The following CDH10 variants were observed in gnomAD, a reference collection of about 807,000 sequenced individuals.
CDH10 encodes cadherin-10.
A neutral mutation model predicts 73.1 loss-of-function variants in CDH10; 30 were observed. The observed-to-expected ratio is 0.41, with a 90% CI of 0.31 to 0.56. CDH10 has a LOEUF of 0.56. Ranked by LOEUF, CDH10 falls within the 20% of genes least tolerant of loss-of-function variation. The pLI is 0.27. For synonymous variants in CDH10, 345 were observed against 348.2 expected (o/e 0.99, Z 0.10); for missense variants, 815 against 973.7 (o/e 0.84, Z 2.17).
chr5:24,540,600 G>A (rs1744116897), intron 2 of CDH10, among the ~76,000 whole-genome samples: 1 of 151,932 alleles, frequency 6.6e-6, no homozygotes, highest in Non-Finnish European at 1.5e-5. Flanking sequence ...ATCAGAAAAT[G>A]AAAGGATTTC....
intron 7 of CDH10, among the ~76,000 whole-genome samples, chr5:24,509,278 C>T (rs1292420745): frequency 4.9e-5 from 5 of 102,226 alleles, no homozygotes; most frequent in South Asian, 3.6e-4. Flanking sequence ...TCATCTCTGT[C>T]GCTCAGGCTG....
rs573536560 is a variant in CDH10, at chr5:24,627,976, T to G, written c.-124+16618A>C. 5.3e-5 allele frequency among the ~76,000 whole-genome samples: 8 copies of G among 152,226 alleles called. No individual in the cohort carries two copies. The South Asian group carries it at 6.2e-4, about 12-fold the overall frequency. ...TTTTATTTTATAGTGAGGAAAACTT[T>G]GACTACTCTTATGGCATCGTGGTAA... On this transcript the variant is annotated intron_variant, in intron 1 of 11. Coordinates refer to ENST00000264463, the MANE Select transcript of CDH10 (RefSeq NM_006727.5).
At position 24,492,802 on chromosome 5, in the gene CDH10, A is replaced by C. The variant is rs763913794; in HGVS notation, c.1624+15T>G. 3.8e-6 allele frequency: 4 copies of C among 1,047,164 alleles called. No homozygotes were observed. The Admixed American group carries it at 6.8e-5, about 18-fold the overall frequency. 64.9% of individuals were successfully genotyped at this position (1,047,164 alleles called of 1,614,324 possible). Reference sequence around the variant, plus strand: ...ATATCATCATAAGTCATAGTGAACAAGTTCTAAAATTTACCTTCATTATCC... The same window carrying C: ...ATATCATCATAAGTCATAGTGAACACGTTCTAAAATTTACCTTCATTATCC... On this transcript the variant is annotated intron_variant, in intron 10 of 11. Transcript: ENST00000264463.
At chr5:24,522,070 G>A (rs183887101) in intron 5 of CDH10, among the ~76,000 whole-genome samples, 60 of 152,256 alleles carry the variant, frequency 3.9e-4, no homozygotes, top group Middle Eastern at 6.8e-3. Flanking sequence ...GGAGGCAGGA[G>A]TTTCAGTGAG....
At chr5:24,498,843 T>C (rs1742387326) in intron 8 of CDH10, among the ~76,000 whole-genome samples, 1 of 152,236 alleles carries the variant, frequency 6.6e-6, no homozygotes, top group Non-Finnish European at 1.5e-5. Context: ...TATTAAATCC[T>C]TGTTATACTT....
At chr5:24,636,361 C>T (rs1017826557) in intron 1 of CDH10, among the ~76,000 whole-genome samples, 1 of 151,944 alleles carries the variant, frequency 6.6e-6, no homozygotes, top group East Asian at 1.9e-4. Flanking sequence ...TGTGAGAGCA[C>T]TTACGTTAGG....
At chr5:24,550,052 C>T (rs1355352755) in intron 2 of CDH10, among the ~76,000 whole-genome samples, 2 of 151,992 alleles carry the variant, frequency 1.3e-5, no homozygotes, top group Non-Finnish European at 2.9e-5. Flanking sequence ...GATAAAATCA[C>T]TGAAGAGAAT....
rs543014462 is a variant in CDH10, at chr5:24,546,274, C to G, written c.232-8600G>C. ...TCCTCTGAAATATAGCCAAGCAACCCTAAATTAAAATAAAAATAAGATTCT... is the reference window on the plus strand; with the variant it reads ...TCCTCTGAAATATAGCCAAGCAACCGTAAATTAAAATAAAAATAAGATTCT... On this transcript the variant is annotated intron_variant, in intron 2 of 11. Transcript: ENST00000264463. 2.6e-5 allele frequency among the ~76,000 whole-genome samples: 4 copies of G among 151,926 alleles called. No homozygotes were observed. The East Asian group carries it at 7.7e-4, about 29-fold the overall frequency.
intron 2 of CDH10, among the ~76,000 whole-genome samples, chr5:24,566,912 G>A (rs943932381): frequency 6.6e-6 from 1 of 152,096 alleles, no homozygotes; most frequent in Middle Eastern, 3.4e-3. Flanking sequence ...CAGAGACTGG[G>A]GGTAAAATCA....
chr5:24,540,818 T>A lies in CDH10; in HGVS notation c.232-3144A>T, dbSNP rs540998090. ...GCAAAAAGGACTGTATTTGAGGGCA[T>A]GACATTAGCCTATGTTTAATGAAAG... On this transcript the variant is annotated intron_variant, in intron 2 of 11. Coordinates refer to ENST00000264463, the MANE Select transcript of CDH10 (RefSeq NM_006727.5). Among the ~76,000 whole-genome samples, 27 of 152,060 alleles carry A rather than the reference T, an allele frequency of 1.8e-4. No individual in the cohort carries two copies. In the South Asian group the frequency reaches 3.3e-3, roughly 19 times the overall value.
At chr5:24,496,932 T>G (rs912857815) in intron 9 of CDH10, among the ~76,000 whole-genome samples, 51 of 152,160 alleles carry the variant, frequency 3.4e-4, no homozygotes, top group African/African-American at 1.2e-3. Flanking sequence ...TATTAGAATT[T>G]GCCTGTATGG....
intron 2 of CDH10, among the ~76,000 whole-genome samples, chr5:24,587,044 T>C (rs1020121509): frequency 9.9e-5 from 15 of 150,878 alleles, no homozygotes; most frequent in South Asian, 2.1e-4. Flanking sequence ...CGGGGTTTCA[T>C]CGTGTTAGCC....
intron 2 of CDH10, among the ~76,000 whole-genome samples, chr5:24,550,178 G>T (rs1228186709): frequency 1.3e-5 from 2 of 152,130 alleles, no homozygotes; most frequent in African/African-American, 2.4e-5. Context: ...ATACATAGAA[G>T]AAAAGGGGGC....
chr5:24,605,542 G>A (rs1461860827), intron 1 of CDH10, among the ~76,000 whole-genome samples: 2 of 152,202 alleles, frequency 1.3e-5, no homozygotes, highest in East Asian at 1.9e-4. Context: ...TGTCTTCCAC[G>A]AAGTGGGTCG....
intron 2 of CDH10, among the ~76,000 whole-genome samples, chr5:24,549,727 T>G (rs1234697160): frequency 6.6e-6 from 1 of 151,894 alleles, no homozygotes; most frequent in Non-Finnish European, 1.5e-5. Flanking sequence ...AATTTTTGTG[T>G]TTTTAGTAGA....
chr5:24,501,935 T>A (rs113742571), intron 8 of CDH10, among the ~76,000 whole-genome samples: 4 of 152,194 alleles, frequency 2.6e-5, no homozygotes, highest in Middle Eastern at 3.4e-3. Flanking sequence ...CCTTTTTTTT[T>A]TTAGAGGGAA....
chr5:24,528,740 T>C (rs1270505429), intron 5 of CDH10, among the ~76,000 whole-genome samples: 2 of 151,982 alleles, frequency 1.3e-5, no homozygotes, highest in African/African-American at 4.8e-5. Flanking sequence ...CTATAATCTA[T>C]GTAAAAGTAG....
At chr5:24,520,136 G>A (rs751752358) in intron 5 of CDH10, among the ~76,000 whole-genome samples, 3 of 152,116 alleles carry the variant, frequency 2.0e-5, no homozygotes, top group Admixed American at 6.5e-5. Context: ...AAATTCTGCG[G>A]TACTGGAGGT....
chr5:24,498,328 G>A (rs2111681892), intron 9 of CDH10, 70 bp downstream of exon 9: 1 of 1,014,096 alleles, frequency 9.9e-7, no homozygotes, highest in South Asian at 1.5e-5. Flanking sequence ...TTTCCTCTCA[G>A]GATTTTGAAA....
Sources: allele counts gnomAD v4.1 joint callset (sites outside exome capture counted in the v4.1 genomes callset), GRCh38; gene constraint gnomAD v4.1.1; transcripts MANE v1.5; gene names NCBI Gene and HGNC (gene_info 2026-07-23, HGNC 2026-07-21).